Variants in GLDN observed in about 807,000 individuals in gnomAD.
GLDN encodes collomin.
A neutral mutation model predicts 56.5 loss-of-function variants in GLDN; 47 were observed. The ratio of observed to expected loss-of-function variants is 0.83; its 90% confidence interval spans 0.66 to 1.06. The LOEUF is 1.06. GLDN is among the 50% of genes least tolerant of loss of function. GLDN has a pLI of 0.00. For missense variants in GLDN, 782 were observed against 714.3 expected (o/e 1.09, Z -1.08); for synonymous variants, 332 against 278.8 (o/e 1.19, Z -1.90).
intron 1 of GLDN, among the ~76,000 whole-genome samples, chr15:51,359,978 C>CAA (rs58874237): frequency 8.5e-4 from 79 of 92,716 alleles, no homozygotes; most frequent in African/African-American, 2.5e-3. Flanking sequence ...GACTCTGTCT[C>CAA]AAAAAAAAAA....
At chr15:51,400,344 A>G (rs773374767) in intron 7 of GLDN, 29 bp from the exon 8 acceptor site, 21 of 1,613,992 alleles carry the variant, frequency 1.3e-5, no homozygotes, top group Admixed American at 6.7e-5. Flanking sequence ...TTGGCAGGCA[A>G]GTGACTTTCT....
chr15:51,372,705 C>T (rs927523278), intron 1 of GLDN, among the ~76,000 whole-genome samples: 33 of 152,148 alleles, frequency 2.2e-4, no homozygotes, highest in African/African-American at 6.3e-4. Flanking sequence ...TCCTTAGAGA[C>T]GGTTGATGTG....
chr15:51,403,129 G>A (rs1249935648), intron 9 of GLDN, among the ~76,000 whole-genome samples: 1 of 152,232 alleles, frequency 6.6e-6, no homozygotes, highest in Non-Finnish European at 1.5e-5. Context: ...TTTGGATGCA[G>A]TGGTTAGGAG....
chr15:51,362,949 T>C (rs1432533016), intron 1 of GLDN, among the ~76,000 whole-genome samples: 1 of 122,024 alleles, frequency 8.2e-6, no homozygotes, highest in African/African-American at 3.2e-5. Context: ...TTTAATGTGA[T>C]GTGAGAGGGG....
At chr15:51,410,282 C>G (rs141233013), downstream of GLDN, among the ~76,000 whole-genome samples, 21 of 152,336 alleles carry the variant, frequency 1.4e-4, no homozygotes, top group African/African-American at 5.1e-4. Context: ...AACTTGGATT[C>G]TACTTCAGAA....
In GLDN at chr15:51,407,632, T is replaced by A. The variant is rs542791955; in HGVS notation, c.*2878T>A. On this transcript the variant is annotated 3_prime_UTR_variant, in exon 10 of 10. Transcript: ENST00000335449. ...CAAGTAGGTGGTTCTGGTCTCCAAG[T>A]ATCGTTAAGCACAGGTGCTATGACA... is the stretch of plus-strand genomic sequence containing the variant. 2.0e-5 allele frequency: 3 copies of A among 152,366 alleles called. No individual in the cohort carries two copies. The South Asian group carries it at 6.2e-4, about 32-fold the overall frequency. 9.4% of individuals were successfully genotyped at this position (152,366 alleles called of 1,614,324 possible).
chr15:51,356,807 C>T (rs996334200), intron 1 of GLDN, among the ~76,000 whole-genome samples: 12 of 152,152 alleles, frequency 7.9e-5, no homozygotes, highest in Admixed American at 4.6e-4. Context: ...GTGCCTAGAA[C>T]TCAATATATT....
intron 1 of GLDN, among the ~76,000 whole-genome samples, chr15:51,352,656 T>G (rs1257295847): frequency 6.6e-6 from 1 of 152,182 alleles, no homozygotes; most frequent in African/African-American, 2.4e-5. Context: ...CCCCTTGATA[T>G]GGCAACAGGG....
At chr15:51,392,869 A>G (rs559782376) in intron 4 of GLDN, among the ~76,000 whole-genome samples, 8 of 152,348 alleles carry the variant, frequency 5.3e-5, no homozygotes, top group Admixed American at 2.6e-4. Context: ...CAATCATGAC[A>G]TCTGCAAACG....
chr15:51,378,037 C>T (rs1205407419), intron 2 of GLDN, among the ~76,000 whole-genome samples: 1 of 152,196 alleles, frequency 6.6e-6, no homozygotes. Context: ...GGTTAAGGAA[C>T]CCTGCACAGT....
At chr15:51,362,375 C>G (rs1490224388) in intron 1 of GLDN, among the ~76,000 whole-genome samples, 1 of 151,412 alleles carries the variant, frequency 6.6e-6, no homozygotes, top group Non-Finnish European at 1.5e-5. Flanking sequence ...ATCCCAGCTA[C>G]TTGGGAGGGT....
intron 1 of GLDN, among the ~76,000 whole-genome samples, chr15:51,357,296 T>C (rs939445591): frequency 1.3e-5 from 2 of 152,232 alleles, no homozygotes; most frequent in Non-Finnish European, 1.5e-5. Flanking sequence ...GCTTCATTCC[T>C]TGAAGCCTGT....
intron 1 of GLDN, among the ~76,000 whole-genome samples, chr15:51,354,069 G>A (rs189603175): frequency 2.6e-5 from 4 of 152,252 alleles, no homozygotes; most frequent in Admixed American, 2.6e-4. Flanking sequence ...CTGAAAGGTA[G>A]CCTTAAAACA....
At position 51,403,038 on chromosome 15, in the gene GLDN, G is replaced by A. The variant is rs113074674; in HGVS notation, c.1179-1239G>A. ...AGGGCTATTGCCACACGGAGGTGGCGTGGGGGGCAGTTCTGCGGTGGATAA... is the reference window on the plus strand; with the variant it reads ...AGGGCTATTGCCACACGGAGGTGGCATGGGGGGCAGTTCTGCGGTGGATAA... On this transcript the variant is annotated intron_variant, in intron 9 of 9. Transcript: ENST00000335449. Among the ~76,000 whole-genome samples, 481 of 152,300 alleles carry A rather than the reference G, an allele frequency of 3.2e-3. 2 individuals are homozygous for A. Among genetic ancestry groups the A allele is most frequent in the African/African-American group, 0.011 (457 of 41,554 alleles).
rs183068722 is a variant in GLDN, at chr15:51,377,735, C to T, written c.415+235C>T. ...TAACTAGGACTTGGGTAATTAGAAA[C>T]GTGTGGTACCTTGAACCAGAGCCAC... On this transcript the variant is annotated intron_variant, in intron 2 of 9. Transcript: ENST00000335449. Among the ~76,000 whole-genome samples, 277 of 152,198 alleles carry T rather than the reference C, an allele frequency of 1.8e-3. 2 individuals carry two copies. Among genetic ancestry groups the T allele is most frequent in the Admixed American group, 5.2e-3 (79 of 15,290 alleles).
At chr15:51,381,558 C>T (rs907638228) in intron 2 of GLDN, among the ~76,000 whole-genome samples, 1 of 152,100 alleles carries the variant, frequency 6.6e-6, no homozygotes, top group Non-Finnish European at 1.5e-5. Flanking sequence ...CAAAAGTCCC[C>T]ACGCCTGTCA....
In GLDN at chr15:51,394,821, G is replaced by C; in HGVS notation, c.542-14G>C. The C allele has an allele frequency of 6.2e-7, 1 of 1,613,696 alleles. No individual in the cohort carries two copies. Among genetic ancestry groups the C allele is most frequent in the Non-Finnish European group, 8.5e-7 (1 of 1,179,818 alleles). On this transcript the variant is annotated splice_polypyrimidine_tract_variant and intron_variant, in intron 4 of 9. Transcript: ENST00000335449. ...TGCACCATAGGCTAATATGTCTTTT[G>C]TTTTTTTGGTCAGGGATACCTGGAG... is the stretch of plus-strand genomic sequence containing the variant.
At chr15:51,393,267 C>T (rs1398333021) in intron 4 of GLDN, among the ~76,000 whole-genome samples, 1 of 152,168 alleles carries the variant, frequency 6.6e-6, no homozygotes, top group Non-Finnish European at 1.5e-5. Flanking sequence ...CAGAGTCAGG[C>T]AGTTAAATCA....
intron 9 of GLDN, among the ~76,000 whole-genome samples, chr15:51,402,851 A>T (rs879833192): frequency 2.0e-5 from 3 of 151,958 alleles, no homozygotes; most frequent in Non-Finnish European, 2.9e-5. Flanking sequence ...TGACACCCCC[A>T]TCATCATCTC....
Sources: allele counts gnomAD v4.1 joint callset (sites outside exome capture counted in the v4.1 genomes callset), GRCh38; gene constraint gnomAD v4.1.1; transcripts MANE v1.5; gene names NCBI Gene and HGNC (gene_info 2026-07-23, HGNC 2026-07-21).